UBAC2: variants seen among roughly 807,000 people sequenced by gnomAD.
The protein encoded by UBAC2 is ubiquitin-associated domain-containing protein 2.
A neutral mutation model predicts 44.0 loss-of-function variants in UBAC2; 26 were observed. The observed-to-expected ratio is 0.59, with a 90% CI of 0.43 to 0.82. The LOEUF (loss-of-function observed/expected upper bound fraction) is 0.82, where lower values mean the gene tolerates loss of function less well. Ranked by LOEUF, UBAC2 falls within the 40% of genes least tolerant of loss-of-function variation. UBAC2 has a pLI of 0.00. For missense variants in UBAC2, 329 were observed against 419.4 expected, an observed-to-expected ratio of 0.78 and a Z score of 1.88; for synonymous variants, 155 against 154.3, an observed-to-expected ratio of 1.00 and a Z score of -0.04.
chr13:99,212,793 C>T (rs1047885134), intron 1 of UBAC2, among the ~76,000 whole-genome samples: 5 of 152,154 alleles, frequency 3.3e-5, no homozygotes, highest in Non-Finnish European at 7.3e-5. Context: ...GAAAGGTCAG[C>T]CTATCTACAG....
At chr13:99,355,799 C>A (rs1670514409) in intron 7 of UBAC2, among the ~76,000 whole-genome samples, 1 of 152,250 alleles carries the variant, frequency 6.6e-6, no homozygotes. Context: ...AGTCTCACCC[C>A]ACTCTGTGCA....
intron 7 of UBAC2, among the ~76,000 whole-genome samples, chr13:99,349,128 C>G (rs955237771): frequency 3.3e-5 from 5 of 152,150 alleles, no homozygotes; most frequent in African/African-American, 1.2e-4. Flanking sequence ...GTCTTCAGAC[C>G]TCCAGATCAA....
At chr13:99,282,107 G>A (rs1048688193) in intron 4 of UBAC2, among the ~76,000 whole-genome samples, 1 of 152,274 alleles carries the variant, frequency 6.6e-6, no homozygotes. Flanking sequence ...TGCACTGCAG[G>A]GTGGCTGGCA....
chr13:99,218,630 G>A (rs1350195870), intron 1 of UBAC2, among the ~76,000 whole-genome samples: 4 of 152,224 alleles, frequency 2.6e-5, no homozygotes, highest in Admixed American at 2.0e-4. Flanking sequence ...GTTGTCTGGG[G>A]ACCTGTATGA....
chr13:99,349,409 A>G (rs2045042586), intron 7 of UBAC2, among the ~76,000 whole-genome samples: 1 of 152,230 alleles, frequency 6.6e-6, no homozygotes, highest in African/African-American at 2.4e-5. Context: ...TAATAAATAA[A>G]GACACAAGAC....
rs2043262924 is a variant in UBAC2 at position 99,238,319 on chromosome 13, T to G, written c.32-108T>G. On this transcript the variant is annotated intron_variant, in intron 1 of 8. Transcript: ENST00000403766. ...AACCAAATTTCAGAGTTTCTGGACT[T>G]TGTCTTCATTCTGATTTAAAAGAAG... 4.8e-5 allele frequency: 67 copies of G among 1,408,554 alleles called. No homozygotes were observed. The South Asian group carries it at 9.2e-4, about 19-fold the overall frequency. 87.3% of individuals were successfully genotyped at this position (1,408,554 alleles called of 1,614,324 possible).
intron 1 of UBAC2, among the ~76,000 whole-genome samples, chr13:99,225,670 G>A (rs1399566213): frequency 6.6e-6 from 1 of 152,162 alleles, no homozygotes. Context: ...AGGTCCTATT[G>A]GAGGCATGAG....
chr13:99,264,396 T>G (rs1015089493), intron 4 of UBAC2, among the ~76,000 whole-genome samples: 1 of 152,338 alleles, frequency 6.6e-6, no homozygotes, highest in Non-Finnish European at 1.5e-5. Flanking sequence ...TGCTGTACTT[T>G]TCTGTATATG....
chr13:99,360,419 T>G (rs2045249877), intron 7 of UBAC2, among the ~76,000 whole-genome samples: 1 of 152,254 alleles, frequency 6.6e-6, no homozygotes. Context: ...ATTACCACTT[T>G]ACAGGTGAGA....
intron 6 of UBAC2, among the ~76,000 whole-genome samples, chr13:99,331,755 T>A (rs2146678): frequency 0.25 from 38,409 of 152,186 alleles, 6,047 homozygotes; most frequent in Non-Finnish European, 0.35. Context: ...GGGTAATAAA[T>A]TAGGGAATGT....
rs1319132 is a variant in UBAC2, at chr13:99,347,347, G to A, written c.807+6782G>A. ...CCCCCCCCCCCCCAGGAAAAAAAAG[G>A]CAAGTGAAGATGATACTGGAAGACC... On this transcript the variant is annotated intron_variant, in intron 7 of 8. Coordinates refer to ENST00000403766, the MANE Select transcript of UBAC2 (RefSeq NM_001144072.2). Among the ~76,000 whole-genome samples, 227 of 114,864 alleles carry A rather than the reference G, an allele frequency of 2.0e-3. 4 individuals carry two copies. Among genetic ancestry groups the A allele is most frequent in the Middle Eastern group, 5.3e-3 (1 of 188 alleles). 75.4% of individuals were successfully genotyped at this position (114,864 alleles called of 152,430 possible).
intron 2 of UBAC2, among the ~76,000 whole-genome samples, chr13:99,242,833 A>T: frequency 2.3e-5 from 3 of 129,798 alleles, no homozygotes; most frequent in Admixed American, 1.5e-4. Flanking sequence ...CACTTCTCAG[A>T]CGGGGCGGCC....
intron 7 of UBAC2, among the ~76,000 whole-genome samples, chr13:99,352,299 C>T (rs1244357275): frequency 2.6e-5 from 4 of 152,140 alleles, no homozygotes; most frequent in Admixed American, 1.3e-4. Flanking sequence ...GAACATTTTT[C>T]ATCACCCCAA....
At chr13:99,209,559 G>T (rs1361423867) in intron 1 of UBAC2, among the ~76,000 whole-genome samples, 2 of 152,166 alleles carry the variant, frequency 1.3e-5, no homozygotes, top group African/African-American at 4.8e-5. Context: ...CTTTTCTGCT[G>T]TAACCAGGCC....
intron 4 of UBAC2, among the ~76,000 whole-genome samples, chr13:99,281,889 C>T (rs1408624441): frequency 1.3e-5 from 2 of 152,132 alleles, no homozygotes; most frequent in African/African-American, 4.8e-5. Flanking sequence ...TCTCAGTGGC[C>T]AGAGTGTCTT....
At chr13:99,246,502 G>GT (rs397763791) in intron 4 of UBAC2, among the ~76,000 whole-genome samples, 1 of 152,140 alleles carries the variant, frequency 6.6e-6, no homozygotes, top group Non-Finnish European at 1.5e-5. Context: ...TGAGTGATGG[G>GT]AGGTATGTGT....
intron 8 of UBAC2, among the ~76,000 whole-genome samples, chr13:99,373,345 G>A (rs1424949876): frequency 2.6e-5 from 4 of 151,884 alleles, no homozygotes; most frequent in Admixed American, 2.6e-4. Flanking sequence ...TGACTGTTAG[G>A]TAAAATCAGA....
intron 4 of UBAC2, among the ~76,000 whole-genome samples, chr13:99,271,156 A>AAG (rs2043810550): frequency 6.6e-6 from 1 of 152,158 alleles, no homozygotes; most frequent in South Asian, 2.1e-4. Flanking sequence ...AAAAATTTGT[A>AAG]ATATATATAT....
At chr13:99,206,174 C>T (rs527754694) in intron 1 of UBAC2, among the ~76,000 whole-genome samples, 2 of 152,066 alleles carry the variant, frequency 1.3e-5, no homozygotes, top group South Asian at 2.1e-4. Flanking sequence ...TTGCAGAGTC[C>T]GGTCAGAGGT....
Sources: gnomAD v4.1 joint callset for allele counts (sites outside exome capture counted in the v4.1 genomes callset) on GRCh38, gnomAD v4.1.1 for gene constraint, MANE v1.5 for transcripts, NCBI Gene and HGNC (gene_info 2026-07-23, HGNC 2026-07-21) for gene names.